Variants in HERC5 observed in about 807,000 individuals in gnomAD.
The protein encoded by HERC5 is HECT and RLD domain containing E3 ubiquitin protein ligase 5.
HERC5 carries 99 observed loss-of-function variants against 119.6 expected under a neutral mutation model. The ratio of observed to expected loss-of-function variants is 0.83; its 90% CI spans 0.70 to 0.98. HERC5 has a LOEUF of 0.98. Ranked by LOEUF, HERC5 falls within the 50% of genes least tolerant of loss-of-function variation. HERC5 has a pLI of 0.00. For synonymous variants in HERC5, 478 were observed against 445.9 expected, an observed-to-expected ratio of 1.07 and a Z score of -0.91; for missense variants, 1,267 against 1,241.3, an observed-to-expected ratio of 1.02 and a Z score of -0.31.
chr4:88,486,324 A>T (rs1488262664), intron 14 of HERC5, 96 bp downstream of exon 14: 7 of 691,374 alleles, frequency 1.0e-5, no homozygotes, highest in Non-Finnish European at 1.7e-5. Context: ...AAATAGCAGG[A>T]CTTGTGGGAA....
rs779586956 is a variant in HERC5, at chr4:88,494,253, C to T, written c.2366C>T (p.Pro789Leu). 1.9e-6 allele frequency: 3 copies of T among 1,613,324 alleles called. No individual in the cohort carries two copies. In the Admixed American group the frequency reaches 5.0e-5, roughly 27 times the overall value. Residue 789 changes from proline (P) to leucine (L), a missense_variant, in exon 18 of 23, where the codon CCA (proline) becomes CTA (leucine). Pro to Leu is a moderately conservative substitution (Grantham distance 98, BLOSUM62 -3). This residue lies in a region of HERC5 where 473 missense variants were observed against 445.7 expected (regional missense o/e 1.06). Transcript: ENST00000264350. ...TGCAATGTTGCCAACCTTCCTTTCC[C>T]ACTGGCACTGTTTAAGAAACTTTTG... The part of the protein sequence containing the change: ...FNCNVANLPF[P>L]LALFKKLLDQ...
intron 16 of HERC5, among the ~76,000 whole-genome samples, chr4:88,489,863 A>G (rs1188282375): frequency 6.6e-6 from 1 of 151,742 alleles, no homozygotes; most frequent in Non-Finnish European, 1.5e-5. Context: ...ACAAAAATGA[A>G]CCGTGTGTGG....
chr4:88,489,069 C>T (rs912730337), intron 15 of HERC5, 97 bp from the exon 16 acceptor site: 1 of 937,762 alleles, frequency 1.1e-6, no homozygotes, highest in African/African-American at 1.7e-5. Flanking sequence ...GTGACCTGCA[C>T]TTATAAGCAG....
chr4:88,494,012 TAATA>T (rs1362472245), intron 17 of HERC5, among the ~76,000 whole-genome samples, 149 bp from the exon 18 acceptor site: 1 of 147,084 alleles, frequency 6.8e-6, no homozygotes, highest in Non-Finnish European at 1.5e-5. Flanking sequence ...TGCACCAACC[TAATA>T]TAAACCCTAA....
chr4:88,495,856 A>G (rs1163905431), intron 18 of HERC5, among the ~76,000 whole-genome samples: 1 of 152,240 alleles, frequency 6.6e-6, no homozygotes, highest in Admixed American at 6.5e-5. Context: ...TTATGCCTCA[A>G]AAGACTGATA....
intron 18 of HERC5, among the ~76,000 whole-genome samples, chr4:88,494,644 T>C (rs1312650250): frequency 6.6e-6 from 1 of 152,242 alleles, no homozygotes. Context: ...AAATGTTGTT[T>C]CATGTCATCA....
intron 16 of HERC5, among the ~76,000 whole-genome samples, chr4:88,490,864 T>C (rs1741613856): frequency 6.6e-6 from 1 of 152,014 alleles, no homozygotes; most frequent in South Asian, 2.1e-4. Context: ...AATATATATA[T>C]TGCAGTTAGA....
At position 88,463,921 on chromosome 4, in the gene HERC5, G is replaced by GAGCTA. The variant is rs761400309; in HGVS notation, c.850_854dup (p.Arg285SerfsTer2). 1.2e-6 allele frequency: 2 copies of GAGCTA among 1,613,750 alleles called. No individual in the cohort carries two copies. Among genetic ancestry groups the GAGCTA allele is most frequent in the Non-Finnish European group, 1.7e-6 (2 of 1,179,938 alleles). On this transcript the variant is annotated frameshift_variant, in exon 6 of 23. Coordinates refer to ENST00000264350, the MANE Select transcript of HERC5 (RefSeq NM_016323.4). LOFTEE classifies it high-confidence loss of function. ...ACTTGGTCATAATTCAACACAGAAT[G>GAGCTA]AGCTAAGACCCTGTTTGGTGGCTGA...
At chr4:88,465,724 GACTC>G (rs554270166) in intron 6 of HERC5, among the ~76,000 whole-genome samples, 2 of 152,170 alleles carry the variant, frequency 1.3e-5, no homozygotes, top group Non-Finnish European at 2.9e-5. Flanking sequence ...TCACTGGAAA[GACTC>G]ACGAACTTAC....
intron 18 of HERC5, among the ~76,000 whole-genome samples, chr4:88,499,243 T>G (rs1741883317): frequency 6.6e-6 from 1 of 152,218 alleles, no homozygotes; most frequent in African/African-American, 2.4e-5. Context: ...GTCTCAACTT[T>G]ACATCCCCTA....
At chr4:88,502,808 T>G (rs1741984497) in intron 20 of HERC5, among the ~76,000 whole-genome samples, 1 of 152,194 alleles carries the variant, frequency 6.6e-6, no homozygotes, top group Non-Finnish European at 1.5e-5. Flanking sequence ...ATTGGCTGTT[T>G]GGATATCCTC....
intron 1 of HERC5, chr4:88,457,860 C>G: frequency 9.8e-7 from 1 of 1,017,330 alleles, no homozygotes; most frequent in Non-Finnish European, 1.2e-6. Flanking sequence ...TACCCCCGTC[C>G]CCCGCCCGCC....
intron 6 of HERC5, among the ~76,000 whole-genome samples, chr4:88,466,402 C>G (rs1740665024): frequency 6.6e-6 from 1 of 152,164 alleles, no homozygotes; most frequent in African/African-American, 2.4e-5. Context: ...GGTTTTATTG[C>G]TGAGGCATGA....
Position 88,457,512 on chromosome 4 carries a change from G to C in HERC5, c.243G>C (p.Gly81=), listed in dbSNP as rs778944857. ...AGVQVHQLLA[G]SGGARTPKCI... ...TCCAGGTTCACCAGCTGCTCGCCGG[G>C]AGCGGCGGCGCCCGGACGCCGAGTG... Residue 81 remains glycine, a synonymous_variant, in exon 1 of 23, where the codon GGG becomes GGC. Coordinates refer to ENST00000264350, the MANE Select transcript of HERC5 (RefSeq NM_016323.4). 25 of 1,282,106 alleles carry C rather than the reference G, an allele frequency of 1.9e-5. No individual in the cohort carries two copies. Among genetic ancestry groups the C allele is most frequent in the Non-Finnish European group, 2.3e-5 (23 of 1,014,646 alleles). The allele number at this position is 1,282,106 out of a possible 1,614,324, so 79.4% of individuals were successfully genotyped here.
Position 88,486,106 on chromosome 4 carries a change from T to C in HERC5, c.1738-9T>C. The C allele has an allele frequency of 6.4e-7, 1 of 1,558,324 alleles. No homozygotes were observed. The highest frequency in any genetic ancestry group is 1.8e-5 in the Admixed American group (1 of 55,434). On this transcript the variant is annotated splice_polypyrimidine_tract_variant and intron_variant, in intron 13 of 22. Coordinates refer to ENST00000264350, the MANE Select transcript of HERC5 (RefSeq NM_016323.4). The stretch of plus-strand genomic sequence containing the variant: ...ATAAAACTTTTTCACAAGTCATATT[T>C]TATTTAAGGTAAACCAGGTGAAATG...
At chr4:88,466,953 G>GT in intron 6 of HERC5, 106 bp from the exon 7 acceptor site, 1 of 1,095,776 alleles carries the variant, frequency 9.1e-7, no homozygotes, top group East Asian at 2.4e-5. Flanking sequence ...GAGATGTTTA[G>GT]TTTCACTCTC....
intron 18 of HERC5, 140 bp downstream of exon 18, chr4:88,494,471 T>C: frequency 2.8e-6 from 2 of 713,028 alleles, no homozygotes; most frequent in Non-Finnish European, 4.6e-6. Flanking sequence ...TTGACAAGAA[T>C]TGTTGGATGA....
chr4:88,490,797 AT>A (rs1741611488), intron 16 of HERC5, among the ~76,000 whole-genome samples: 2 of 152,262 alleles, frequency 1.3e-5, no homozygotes, highest in South Asian at 2.1e-4. Context: ...GTGAGCCAAG[AT>A]TACCCCACTG....
At chr4:88,470,715 A>G in intron 10 of HERC5, 42 bp downstream of exon 10, 3 of 895,428 alleles carry the variant, frequency 3.4e-6, no homozygotes, top group African/African-American at 1.7e-5. Flanking sequence ...TTGTATTAAG[A>G]GTACCGTGAA....
Sources: gnomAD v4.1 joint callset for allele counts (sites outside exome capture counted in the v4.1 genomes callset) on GRCh38, gnomAD v4.1.1 for gene constraint, gnomAD v4.1.1 regional missense constraint, MANE v1.5 for transcripts, NCBI Gene and HGNC (gene_info 2026-07-23, HGNC 2026-07-21) for gene names.